The following DNAJC13 variants were observed in gnomAD, a reference collection of about 807,000 sequenced individuals.
DNAJC13 encodes DnaJ heat shock protein family (Hsp40) member C13.
In DNAJC13, 75 loss-of-function variants were observed where a neutral mutation model predicts 290.5. That is an observed-to-expected ratio of 0.26 (90% CI 0.21 to 0.31). The LOEUF (loss-of-function observed/expected upper bound fraction) is 0.31, where lower values mean the gene tolerates loss of function less well. Ranked by LOEUF, DNAJC13 falls within the 10% of genes least tolerant of loss-of-function variation. DNAJC13 has a pLI of 1.00. For missense variants in DNAJC13, 2,260 were observed against 2,674.5 expected, an observed-to-expected ratio of 0.85 and a Z score of 3.42; for synonymous variants, 862 against 892.0, an observed-to-expected ratio of 0.97 and a Z score of 0.60.
chr3:132,473,142 C>T lies in DNAJC13; in HGVS notation c.2209-3C>T, dbSNP rs1559885318. On this transcript the variant is annotated splice_polypyrimidine_tract_variant and splice_region_variant and intron_variant, in intron 20 of 55. Coordinates refer to ENST00000260818, the MANE Select transcript of DNAJC13 (RefSeq NM_015268.4). ...AGCACTATGAAGTTTTTTTCTGTTC[C>T]AGAATATAAATCAGAAGCCAGTGGT... The T allele has an allele frequency of 1.2e-6, 2 of 1,604,634 alleles. No homozygotes were observed. The highest frequency in any genetic ancestry group is 1.7e-6 in the Non-Finnish European group (2 of 1,176,058).
At position 132,511,148 on chromosome 3, in the gene DNAJC13, C is replaced by T; in HGVS notation, c.5197C>T (p.His1733Tyr). 2 of 1,613,948 alleles carry T rather than the reference C, an allele frequency of 1.2e-6. No individual in the cohort carries two copies. Among genetic ancestry groups the T allele is most frequent in the Non-Finnish European group, 1.7e-6 (2 of 1,179,942 alleles). The stretch of plus-strand genomic sequence containing the variant: ...CTTGCACACATTCATGGCCATCACA[C>T]ACGCGGCAAAAGTGGAGTCAGAGCA... Reference protein sequence around the residue: ...QYLHTFMAITHAAKVESEQHG... With the variant: ...QYLHTFMAITYAAKVESEQHG... Residue 1733 changes from histidine (H) to tyrosine (Y), a missense_variant, in exon 44 of 56, where the codon CAC becomes TAC. Around this residue, in one of 3 missense-constraint regions of DNAJC13, gnomAD observed 1,494 missense variants for 1,693.7 expected, o/e 0.88. Transcript: ENST00000260818.
chr3:132,466,204 C>T, intron 18 of DNAJC13, 95 bp from the exon 19 acceptor site: 1 of 1,427,754 alleles, frequency 7.0e-7, no homozygotes, highest in African/African-American at 1.4e-5. Context: ...TAAAGTTTTA[C>T]CCTCAATAGC....
At chr3:132,437,831 T>G (rs1939419943) in intron 2 of DNAJC13, among the ~76,000 whole-genome samples, 1 of 151,926 alleles carries the variant, frequency 6.6e-6, no homozygotes, top group South Asian at 2.1e-4. Context: ...AGTTGTTAAT[T>G]TTTTTTTAAA....
At chr3:132,478,628 G>T (rs951628810) in intron 24 of DNAJC13, among the ~76,000 whole-genome samples, 1 of 152,262 alleles carries the variant, frequency 6.6e-6, no homozygotes, top group Admixed American at 6.5e-5. Flanking sequence ...AAAATTAGTG[G>T]ACGTGGTGGC....
intron 1 of DNAJC13, among the ~76,000 whole-genome samples, chr3:132,430,790 A>C (rs114800619): frequency 1.5e-3 from 230 of 152,276 alleles, no homozygotes; most frequent in Non-Finnish European, 2.5e-3. Flanking sequence ...AATATCATTT[A>C]CTGCAAAAGA....
Position 132,482,270 on chromosome 3 carries a change from A to C in DNAJC13, c.2919A>C (p.Glu973Asp). The C allele has an allele frequency of 6.2e-7, 1 of 1,613,888 alleles. No individual in the cohort carries two copies. Among genetic ancestry groups the C allele is most frequent in the Non-Finnish European group, 8.5e-7 (1 of 1,179,840 alleles). The change falls in exon 27 of 56, where the codon GAA becomes GAC. Residue 973 changes from glutamate to aspartate, a missense_variant. By Grantham distance (45) the Glu-to-Asp change is conservative (BLOSUM62 2). Around this residue, in one of 3 missense-constraint regions of DNAJC13, gnomAD observed 1,494 missense variants for 1,693.7 expected, o/e 0.88. Transcript: ENST00000260818. ...EAAPDMKRES[E>D]KEWYFGNADK... ...CTCCAGATATGAAAAGAGAGAGTGA[A>C]AAGGAATGGTATTTTGGCAACGCAG...
At chr3:132,436,058 T>C (rs897864536) in intron 2 of DNAJC13, among the ~76,000 whole-genome samples, 3 of 152,230 alleles carry the variant, frequency 2.0e-5, no homozygotes, top group Non-Finnish European at 1.5e-5. Flanking sequence ...GCATAACTTA[T>C]ATACCATAAA....
chr3:132,428,426 T>G (rs190990388), intron 1 of DNAJC13, among the ~76,000 whole-genome samples: 3 of 152,320 alleles, frequency 2.0e-5, no homozygotes, highest in African/African-American at 7.2e-5. Flanking sequence ...GGGAAATAGA[T>G]CTCAGCCTCA....
In DNAJC13 at chr3:132,467,350, C is replaced by T. The variant is rs755054582; in HGVS notation, c.2208+37C>T. 3 of 1,609,242 alleles carry T rather than the reference C, an allele frequency of 1.9e-6. No individual in the cohort carries two copies. In the Admixed American group the frequency reaches 5.0e-5, roughly 27 times the overall value. On this transcript the variant is annotated intron_variant, in intron 20 of 55. Transcript: ENST00000260818. ...ATTTGCTTCCAAATTCCTGGCACTT[C>T]TGTGTGTCCTAGTCTACTTTAGTTC...
intron 1 of DNAJC13, among the ~76,000 whole-genome samples, chr3:132,421,404 A>C (rs1938955175): frequency 6.6e-6 from 1 of 152,228 alleles, no homozygotes; most frequent in Non-Finnish European, 1.5e-5. Context: ...TGATTATACC[A>C]AAATACACAA....
intron 2 of DNAJC13, among the ~76,000 whole-genome samples, chr3:132,443,086 G>A (rs1229976789): frequency 6.6e-6 from 1 of 152,194 alleles, no homozygotes; most frequent in Admixed American, 6.5e-5. Context: ...AAGAAGACTT[G>A]TGCCTCCCTG....
chr3:132,451,611 G>A (rs1933417937), intron 6 of DNAJC13, among the ~76,000 whole-genome samples: 1 of 152,076 alleles, frequency 6.6e-6, no homozygotes. Context: ...TCCAAATGGA[G>A]AGACTCATTT....
intron 48 of DNAJC13, among the ~76,000 whole-genome samples, chr3:132,517,918 A>G (rs1203202164): frequency 6.6e-6 from 1 of 152,258 alleles, no homozygotes; most frequent in Admixed American, 6.5e-5. Flanking sequence ...AGTCTTCTGC[A>G]GGGTTGATGA....
In DNAJC13 at chr3:132,443,048, G is replaced by A. The variant is rs531824125; in HGVS notation, c.69-3427G>A. Among the ~76,000 whole-genome samples, 47 of 152,302 alleles carry A rather than the reference G, an allele frequency of 3.1e-4. 1 individual carries two copies. Among genetic ancestry groups the A allele is most frequent in the African/African-American group, 1.1e-3 (46 of 41,562 alleles). On this transcript the variant is annotated intron_variant, in intron 2 of 55. Coordinates refer to ENST00000260818, the MANE Select transcript of DNAJC13 (RefSeq NM_015268.4). Reference sequence around the variant, plus strand: ...GGGGTATCTACTGTAGTCAATGCTGGGTACTGTGGTAGGAGTTAGCCTCAA... The same window carrying A: ...GGGGTATCTACTGTAGTCAATGCTGAGTACTGTGGTAGGAGTTAGCCTCAA...
At chr3:132,467,763 C>A (rs142155165) in intron 20 of DNAJC13, among the ~76,000 whole-genome samples, 109 of 152,238 alleles carry the variant, frequency 7.2e-4, no homozygotes, top group African/African-American at 1.3e-3. Context: ...CCGCACCCGG[C>A]CGAATGGTAC....
At chr3:132,432,062 C>T (rs2107647193) in intron 1 of DNAJC13, among the ~76,000 whole-genome samples, 1 of 152,176 alleles carries the variant, frequency 6.6e-6, no homozygotes, top group South Asian at 2.1e-4. Flanking sequence ...AAAGTTTTTT[C>T]TAATTATGTA....
In DNAJC13 at chr3:132,505,344, A is replaced by T; in HGVS notation, c.4927A>T (p.Ile1643Leu). ...LNSNTESPYL[I>L]WNNSTRAELL... ...CAGCAACACAGAAAGTCCATATTTG[A>T]TATGGAACAATTCTACAAGAGCAGA... Residue 1643 changes from isoleucine (I) to leucine (L), a missense_variant, in exon 42 of 56, where the codon ATA (isoleucine) becomes TTA (leucine). Around this residue, in one of 3 missense-constraint regions of DNAJC13, gnomAD observed 1,494 missense variants for 1,693.7 expected, o/e 0.88. Transcript: ENST00000260818. The T allele has an allele frequency of 1.9e-6, 3 of 1,611,332 alleles. No homozygotes were observed. The highest frequency in any genetic ancestry group is 2.5e-6 in the Non-Finnish European group (3 of 1,178,672).
intron 25 of DNAJC13, 144 bp downstream of exon 25, chr3:132,479,433 C>CCTCCAGGAGAT: frequency 3.4e-6 from 2 of 583,646 alleles, no homozygotes; most frequent in Non-Finnish European, 3.0e-6. Flanking sequence ...CTCTAATCTC[C>CCTCCAGGAGAT]TGGAGGGAGA....
At chr3:132,528,469 G>T in intron 54 of DNAJC13, 137 bp downstream of exon 54, 1 of 1,042,014 alleles carries the variant, frequency 9.6e-7, no homozygotes, top group Non-Finnish European at 1.4e-6. Flanking sequence ...AGAGCCCAAG[G>T]ATGGACTTGC....
Sources: allele counts gnomAD v4.1 joint callset (sites outside exome capture counted in the v4.1 genomes callset), GRCh38; gene constraint gnomAD v4.1.1; regional missense constraint gnomAD v4.1.1; transcripts MANE v1.5; gene names NCBI Gene and HGNC (gene_info 2026-07-23, HGNC 2026-07-21).